The following DLG2 variants were observed in gnomAD, a reference collection of about 807,000 sequenced individuals.
DLG2 encodes the protein disks large homolog 2.
Under a neutral mutation model 132.5 loss-of-function variants are expected in DLG2, and 45 were observed. The observed-to-expected ratio is 0.34, with a 90% CI of 0.27 to 0.44. The LOEUF is 0.44. Among genes scored for constraint, DLG2 ranks in the 20% least tolerant of loss-of-function variants. The probability of loss-of-function intolerance (pLI) is 1.00; values close to 1 mark genes in which losing one functional copy is unlikely to be tolerated. For missense variants in DLG2, 1,045 were observed against 1,196.9 expected (o/e 0.87, Z 1.87); for synonymous variants, 424 against 419.6 (o/e 1.01, Z -0.13).
chr11:84,131,946 TG>T (rs1195205034), intron 9 of DLG2, among the ~76,000 whole-genome samples: 1 of 151,428 alleles, frequency 6.6e-6, no homozygotes, highest in African/African-American at 2.4e-5. Flanking sequence ...TTCTACTTAT[TG>T]TTTTTTTTTT....
chr11:84,003,796 C>T (rs1252469408), intron 11 of DLG2, among the ~76,000 whole-genome samples: 1 of 151,994 alleles, frequency 6.6e-6, no homozygotes, highest in Non-Finnish European at 1.5e-5. Context: ...ACAAGATTAT[C>T]AGAGACTATT....
chr11:84,187,890 C>G (rs1160444711), intron 8 of DLG2, among the ~76,000 whole-genome samples: 1 of 152,016 alleles, frequency 6.6e-6, no homozygotes, highest in Non-Finnish European at 1.5e-5. Context: ...GGGAAATTAC[C>G]TTGGCAACGT....
chr11:84,039,185 T>C (rs905717574), intron 11 of DLG2, among the ~76,000 whole-genome samples: 1 of 151,992 alleles, frequency 6.6e-6, no homozygotes, highest in Non-Finnish European at 1.5e-5. Context: ...ATTTAATATA[T>C]TTATTTCAGC....
At chr11:84,732,321 A>G (rs2063257299) in intron 6 of DLG2, among the ~76,000 whole-genome samples, 1 of 152,056 alleles carries the variant, frequency 6.6e-6, no homozygotes, top group African/African-American at 2.4e-5. Flanking sequence ...ATATGTGTTT[A>G]TATTTTAAGA....
chr11:84,766,501 T>A (rs1322876636), intron 6 of DLG2, among the ~76,000 whole-genome samples: 1 of 152,082 alleles, frequency 6.6e-6, no homozygotes, highest in African/African-American at 2.4e-5. Context: ...CACCACTTTG[T>A]TATGTACAAA....
intron 6 of DLG2, chr11:85,020,914 G>T: frequency 1.3e-6 from 1 of 769,804 alleles, no homozygotes; most frequent in Non-Finnish European, 2.4e-6. Context: ...TCCTCAGCAG[G>T]GTCATCTGCA....
At chr11:83,914,663 C>A (rs12278969) in intron 15 of DLG2, among the ~76,000 whole-genome samples, 1 of 152,034 alleles carries the variant, frequency 6.6e-6, no homozygotes, top group Non-Finnish European at 1.5e-5. Flanking sequence ...AGAGGCTACA[C>A]GGCTAGTGAG....
intron 4 of DLG2, among the ~76,000 whole-genome samples, chr11:85,223,548 A>T (rs1459518688): frequency 6.6e-6 from 1 of 152,064 alleles, no homozygotes; most frequent in East Asian, 1.9e-4. Context: ...TCTACCTGGG[A>T]GGATCACTTA....
At chr11:83,645,304 C>G (rs762685015) in intron 18 of DLG2, among the ~76,000 whole-genome samples, 1 of 152,108 alleles carries the variant, frequency 6.6e-6, no homozygotes, top group Non-Finnish European at 1.5e-5. Context: ...ATGACCTAAG[C>G]TCTCTGAATT....
chr11:84,113,327 C>G (rs1267581718), intron 9 of DLG2, among the ~76,000 whole-genome samples: 5 of 152,100 alleles, frequency 3.3e-5, no homozygotes, highest in African/African-American at 9.7e-5. Context: ...AATAAAAATA[C>G]TGTGCAATTA....
chr11:84,728,185 C>T (rs2062720690), intron 6 of DLG2, among the ~76,000 whole-genome samples: 1 of 152,134 alleles, frequency 6.6e-6, no homozygotes, highest in East Asian at 1.9e-4. Flanking sequence ...AAAGGGAATG[C>T]TTCCAGTTTT....
intron 8 of DLG2, among the ~76,000 whole-genome samples, chr11:84,165,274 A>C (rs1168277609): frequency 6.6e-6 from 1 of 152,212 alleles, no homozygotes; most frequent in African/African-American, 2.4e-5. Flanking sequence ...TAAATGTCTA[A>C]AGGCTCAAAG....
chr11:83,911,949 C>G (rs559401655), intron 15 of DLG2, among the ~76,000 whole-genome samples: 2 of 150,798 alleles, frequency 1.3e-5, no homozygotes, highest in African/African-American at 4.9e-5. Context: ...TAATTCCTAC[C>G]CCAAAGGTTA....
At chr11:84,363,426 G>C (rs1163898602) in intron 7 of DLG2, among the ~76,000 whole-genome samples, 1 of 152,072 alleles carries the variant, frequency 6.6e-6, no homozygotes, top group East Asian at 1.9e-4. Flanking sequence ...TGTCAGATGA[G>C]TAGGTTGTGA....
intron 4 of DLG2, among the ~76,000 whole-genome samples, chr11:85,159,901 T>C (rs1475664256): frequency 2.6e-5 from 4 of 152,190 alleles, no homozygotes; most frequent in African/African-American, 9.7e-5. Flanking sequence ...GCCCATTACA[T>C]TGATGACATT....
intron 6 of DLG2, among the ~76,000 whole-genome samples, chr11:84,726,426 C>A (rs1401654148): frequency 2.0e-5 from 3 of 152,058 alleles, no homozygotes; most frequent in African/African-American, 7.2e-5. Context: ...CATCCATGTC[C>A]CTGCAAAGGA....
Position 85,514,914 on chromosome 11 carries a change from A to C in DLG2, c.40+83743T>G, listed in dbSNP as rs149195297. On this transcript the variant is annotated intron_variant, in intron 3 of 27. Transcript: ENST00000376104. The stretch of plus-strand genomic sequence containing the variant: ...TTATTTCACTGGAGGAAAATAAATC[A>C]AGAAAATATACTTTCGTTGTACATC... 2.3e-3 allele frequency among the ~76,000 whole-genome samples: 353 copies of C among 152,068 alleles called. 1 individual carries two copies. The highest frequency in any genetic ancestry group is 0.017 in the East Asian group (88 of 5,174).
intron 3 of DLG2, among the ~76,000 whole-genome samples, chr11:85,443,023 A>G (rs923298893): frequency 2.0e-5 from 3 of 152,202 alleles, no homozygotes; most frequent in African/African-American, 7.2e-5. Context: ...CAACGGGGGG[A>G]AATATAACAA....
intron 3 of DLG2, among the ~76,000 whole-genome samples, chr11:85,300,016 T>A (rs2079487546): frequency 6.6e-6 from 1 of 152,214 alleles, no homozygotes; most frequent in African/African-American, 2.4e-5. Context: ...GGTTGGTTCA[T>A]CTTTCCCACC....
Sources: gnomAD v4.1 joint callset for allele counts (sites outside exome capture counted in the v4.1 genomes callset) on GRCh38, gnomAD v4.1.1 for gene constraint, MANE v1.5 for transcripts, NCBI Gene and HGNC (gene_info 2026-07-23, HGNC 2026-07-21) for gene names.